ENOX1: variants seen among roughly 807,000 people sequenced by gnomAD.
ENOX1 encodes the protein candidate growth-related and time keeping constitutive hydroquinone (NADH) oxidase.
ENOX1 carries 42 observed loss-of-function variants against 82.5 expected under a neutral mutation model. The ratio of observed to expected loss-of-function variants is 0.51; its 90% CI spans 0.40 to 0.66. The LOEUF (loss-of-function observed/expected upper bound fraction) is 0.66. ENOX1 is among the 30% of genes least tolerant of loss of function. The pLI, the probability that ENOX1 is intolerant of heterozygous loss-of-function variation, is 0.00. For synonymous variants in ENOX1, 271 were observed against 282.2 expected (o/e 0.96, Z 0.40); for missense variants, 608 against 811.6 (o/e 0.75, Z 3.05).
At chr13:43,421,993 GAA>G (rs1054281670) in intron 3 of ENOX1, among the ~76,000 whole-genome samples, 1 of 143,670 alleles carries the variant, frequency 7.0e-6, no homozygotes, top group African/African-American at 2.5e-5. Context: ...AAGGAACCAA[GAA>G]AAAAAAAAAT....
At chr13:43,715,585 C>A (rs927508041) in intron 1 of ENOX1, among the ~76,000 whole-genome samples, 1 of 152,116 alleles carries the variant, frequency 6.6e-6, no homozygotes, top group Non-Finnish European at 1.5e-5. Context: ...TCCATTCTCC[C>A]CGTCACTTTC....
intron 3 of ENOX1, among the ~76,000 whole-genome samples, chr13:43,416,359 GGACAGAAGCGC>G (rs2054553335): frequency 3.6e-5 from 5 of 137,990 alleles, no homozygotes; most frequent in African/African-American, 1.1e-4. Flanking sequence ...TGGGGCGGCC[GGACAGAAGCGC>G]TCCTCACATC....
At chr13:43,424,176 C>G (rs1386178228) in intron 3 of ENOX1, among the ~76,000 whole-genome samples, 1 of 152,234 alleles carries the variant, frequency 6.6e-6, no homozygotes, top group Non-Finnish European at 1.5e-5. Flanking sequence ...TTCAGCTGCA[C>G]TGATACACAG....
chr13:43,636,003 C>T (rs1040539572), intron 2 of ENOX1, among the ~76,000 whole-genome samples: 1 of 152,184 alleles, frequency 6.6e-6, no homozygotes, highest in Non-Finnish European at 1.5e-5. Context: ...GCAGCCCCAA[C>T]ACAGCCAGAA....
At chr13:43,336,313 C>G (rs1341514415) in intron 9 of ENOX1, among the ~76,000 whole-genome samples, 2 of 152,248 alleles carry the variant, frequency 1.3e-5, no homozygotes, top group African/African-American at 4.8e-5. Context: ...AGAAACCCCT[C>G]ACATTTCACT....
At chr13:43,508,172 A>C (rs1566410920) in intron 2 of ENOX1, among the ~76,000 whole-genome samples, 1 of 151,982 alleles carries the variant, frequency 6.6e-6, no homozygotes, top group East Asian at 1.9e-4. Flanking sequence ...GGAAGTGACA[A>C]AGTCACGAGA....
chr13:43,324,357 T>C (rs2047987158), intron 10 of ENOX1, among the ~76,000 whole-genome samples: 1 of 151,952 alleles, frequency 6.6e-6, no homozygotes, highest in Non-Finnish European at 1.5e-5. Context: ...GAAAAAAAAA[T>C]TGAGGAAAAA....
intron 1 of ENOX1, among the ~76,000 whole-genome samples, chr13:43,677,928 A>G (rs2085591826): frequency 6.6e-6 from 1 of 152,148 alleles, no homozygotes; most frequent in Non-Finnish European, 1.5e-5. Context: ...CAATAATTAC[A>G]TATTTATGTT....
At chr13:43,437,898 A>C (rs544618282) in intron 3 of ENOX1, among the ~76,000 whole-genome samples, 2 of 152,358 alleles carry the variant, frequency 1.3e-5, no homozygotes, top group East Asian at 1.9e-4. Flanking sequence ...ACACAGAAGA[A>C]AAAACAATTA....
chr13:43,669,302 T>G (rs187656804), intron 1 of ENOX1, among the ~76,000 whole-genome samples: 181 of 152,336 alleles, frequency 1.2e-3, no homozygotes, highest in African/African-American at 4.2e-3. Flanking sequence ...GACCAAAGTA[T>G]GCACTCCCCT....
chr13:43,491,736 CG>C (rs1163631409), intron 2 of ENOX1, among the ~76,000 whole-genome samples: 38 of 152,036 alleles, frequency 2.5e-4, no homozygotes, highest in African/African-American at 8.9e-4. Flanking sequence ...CACTGCAGCC[CG>C]GGCAACAGAG....
chr13:43,440,158 C>G (rs1202014454), intron 3 of ENOX1, among the ~76,000 whole-genome samples: 1 of 152,120 alleles, frequency 6.6e-6, no homozygotes, highest in Non-Finnish European at 1.5e-5. Flanking sequence ...CGTTCCTGTT[C>G]CTTATCTATT....
intron 3 of ENOX1, among the ~76,000 whole-genome samples, chr13:43,471,301 G>T (rs752016668): frequency 4.6e-5 from 7 of 152,088 alleles, no homozygotes; most frequent in Non-Finnish European, 7.4e-5. Context: ...ACTGGGAGGG[G>T]CCTGCAGGAA....
chr13:43,662,848 CT>C (rs1282916601), intron 2 of ENOX1, among the ~76,000 whole-genome samples: 2 of 152,156 alleles, frequency 1.3e-5, no homozygotes, highest in Non-Finnish European at 2.9e-5. Flanking sequence ...ATAAAAATAA[CT>C]TGTGATATAT....
At chr13:43,269,322 T>C (rs1395227800) in intron 13 of ENOX1, 148 bp downstream of exon 13, 3 of 639,912 alleles carry the variant, frequency 4.7e-6, no homozygotes, top group African/African-American at 3.6e-5. Context: ...AAATTCCGCA[T>C]AGCAAAGCTG....
intron 1 of ENOX1, among the ~76,000 whole-genome samples, chr13:43,745,752 G>T (rs1205614540): frequency 6.6e-6 from 1 of 152,124 alleles, no homozygotes; most frequent in African/African-American, 2.4e-5. Flanking sequence ...CCCAGTAGGG[G>T]GTGATTTAAT....
At chr13:43,752,811 C>T (rs1028577425) in intron 1 of ENOX1, among the ~76,000 whole-genome samples, 1 of 151,880 alleles carries the variant, frequency 6.6e-6, no homozygotes, top group Non-Finnish European at 1.5e-5. Context: ...AGTCCTCCAA[C>T]CTTCTTCTTT....
intron 9 of ENOX1, among the ~76,000 whole-genome samples, chr13:43,341,026 A>C (rs979857521): frequency 3.3e-5 from 5 of 152,186 alleles, no homozygotes; most frequent in Admixed American, 3.3e-4. Flanking sequence ...GGCTGGGCAC[A>C]GTGGCTTACA....
chr13:43,650,609 C>A lies in ENOX1; in HGVS notation c.-219+16870G>T, dbSNP rs549497924. On this transcript the variant is annotated intron_variant, in intron 2 of 16. Coordinates refer to ENST00000690772, the MANE Select transcript of ENOX1 (RefSeq NM_001347969.2). ...ATCCCAGCACTTTGGGAGGCCAAGGCGGGTGGATCATCTGAGGTCAGGAGT... is the reference window on the plus strand; with the variant it reads ...ATCCCAGCACTTTGGGAGGCCAAGGAGGGTGGATCATCTGAGGTCAGGAGT... Among the ~76,000 whole-genome samples the A allele has an allele frequency of 3.7e-3, 558 of 152,156 alleles. 11 individuals carry two copies. Among genetic ancestry groups the A allele is most frequent in the Non-Finnish European group, 1.6e-3 (110 of 67,994 alleles).
Sources: gnomAD v4.1 joint callset for allele counts (sites outside exome capture counted in the v4.1 genomes callset) on GRCh38, gnomAD v4.1.1 for gene constraint, MANE v1.5 for transcripts, NCBI Gene and HGNC (gene_info 2026-07-23, HGNC 2026-07-21) for gene names.